CNKSR1: variants seen among roughly 807,000 people sequenced by gnomAD.
CNKSR1 encodes connector enhancer of kinase suppressor of Ras 1.
CNKSR1 carries 88 observed loss-of-function variants against 95.6 expected under a neutral mutation model. The observed-to-expected ratio is 0.92, with a 90% CI of 0.78 to 1.10. CNKSR1 has a LOEUF of 1.10. Among genes scored for constraint, CNKSR1 ranks in the 50% least tolerant of loss-of-function variants. CNKSR1 has a pLI of 0.00. For synonymous variants in CNKSR1, 355 were observed against 369.7 expected (o/e 0.96, Z 0.46); for missense variants, 836 against 912.0 (o/e 0.92, Z 1.07).
intron 14 of CNKSR1, chr1:26,186,818 G>T (rs1261389345): frequency 6.9e-6 from 2 of 290,026 alleles, no homozygotes; most frequent in Admixed American, 9.6e-5. Flanking sequence ...TCCCAGTCTG[G>T]TCTCAAACTC....
intron 3 of CNKSR1, chr1:26,181,213 G>T: frequency 2.8e-6 from 1 of 353,060 alleles, no homozygotes; most frequent in Non-Finnish European, 5.5e-6. Flanking sequence ...CCTGGGAGGT[G>T]GAAGTTCCAG....
Position 26,182,376 on chromosome 1 carries a change from G to A in CNKSR1, c.493G>A (p.Glu165Lys), listed in dbSNP as rs1197834945. Residue 165 changes from glutamate (E) to lysine (K), a missense_variant, in exon 5 of 21, where the codon GAG (glutamate) becomes AAG (lysine). Transcript: ENST00000361530. ...QVLHEDGPAA[E>K]KEGTVLRICS... ...CTACTTCCAGGATGGTCCAGCGGCT[G>A]AGAAGGAGGGCACAGTCCTGAGGAT... The A allele has an allele frequency of 6.8e-6, 11 of 1,613,986 alleles. No homozygotes were observed. In the African/African-American group the frequency reaches 1.5e-4, roughly 22 times the overall value.
chr1:26,183,861 T>A, intron 9 of CNKSR1, 31 bp downstream of exon 9: 1 of 571,376 alleles, frequency 1.8e-6, no homozygotes, highest in Non-Finnish European at 2.7e-6. Context: ...CCGACCTGCC[T>A]TCAGACCCCC....
At chr1:26,178,165 G>A (rs1487918601) in intron 1 of CNKSR1, among the ~76,000 whole-genome samples, 6 of 152,182 alleles carry the variant, frequency 3.9e-5, no homozygotes, top group Non-Finnish European at 8.8e-5. Context: ...ATAATGGGGA[G>A]GCGGTGTCAT....
Position 26,185,089 on chromosome 1 carries a change from T to C in CNKSR1, c.1211T>C (p.Leu404Pro). 2 of 1,606,164 alleles carry C rather than the reference T, an allele frequency of 1.2e-6. No homozygotes were observed. Among genetic ancestry groups the C allele is most frequent in the Non-Finnish European group, 1.7e-6 (2 of 1,178,136 alleles). Residue 404 changes from leucine (L) to proline (P), a missense_variant, in exon 14 of 21, where the codon CTG becomes CCG. By Grantham distance (98) the Leu-to-Pro change is moderately conservative. Transcript: ENST00000361530. ...LGRPDCDGWL[L>P]LRKAPGGFMG... is the part of the protein sequence containing the mutation. ...CGGCCGGACTGTGACGGCTGGCTCC[T>C]GTTGCGAAAGGCACCGGGCGGCTTC...
chr1:26,184,015 C>T (rs892390188), intron 9 of CNKSR1, 56 bp from the exon 10 acceptor site: 3 of 1,366,898 alleles, frequency 2.2e-6, no homozygotes, highest in Non-Finnish European at 3.1e-6. Flanking sequence ...CCCTGTTGCC[C>T]CCCAACCTGC....
rs151016436 is a variant in CNKSR1, at chr1:26,180,758, G to T, written c.254G>T (p.Gly85Val). 5.6e-6 allele frequency: 9 copies of T among 1,614,106 alleles called. No individual in the cohort carries two copies. In the African/African-American group the frequency reaches 1.2e-4, roughly 22 times the overall value. ...QTENLQSLTEGLLGATHDFQS... is the reference protein window; with the variant it reads ...QTENLQSLTEVLLGATHDFQS... Reference sequence around the variant, plus strand: ...GAGAACCTGCAAAGCCTGACAGAGGGACTTCTGGGGGCAACCCATGACTTC... The same window carrying T: ...GAGAACCTGCAAAGCCTGACAGAGGTACTTCTGGGGGCAACCCATGACTTC... Residue 85 changes from glycine to valine, a missense_variant, in exon 3 of 21, where the codon GGA becomes GTA. Gly to Val is a moderately radical substitution (Grantham distance 109). Coordinates refer to ENST00000361530, the MANE Select transcript of CNKSR1 (RefSeq NM_006314.3).
chr1:26,184,237 C>A lies in CNKSR1; in HGVS notation c.950C>A (p.Ala317Asp). Residue 317 changes from alanine to aspartate, a missense_variant, in exon 11 of 21, where the codon GCC (alanine) becomes GAC (aspartate). Physicochemically the swap from Ala to Asp is moderately radical, Grantham distance 126. Coordinates refer to ENST00000361530, the MANE Select transcript of CNKSR1 (RefSeq NM_006314.3). ...SPRAPSEDVF[A>D]FDLSSNPSPG... The stretch of plus-strand genomic sequence containing the variant: ...AGGGCCCCATCTGAAGACGTCTTTG[C>A]CTTTGACCTGTCTTCAAACCCCAGT... 6.2e-7 allele frequency: 1 copy of A among 1,613,540 alleles called. No homozygotes were observed. The highest frequency in any genetic ancestry group is 8.5e-7 in the Non-Finnish European group (1 of 1,179,906).
chr1:26,183,947 C>CA (rs1557622082), intron 9 of CNKSR1, 117 bp downstream of exon 9: 1 of 509,338 alleles, frequency 2.0e-6, no homozygotes, highest in Non-Finnish European at 3.6e-6. Flanking sequence ...TCCCCTGCTG[C>CA]GCCCCCCTAG....
chr1:26,181,746 C>T (rs2088650687), intron 3 of CNKSR1, 111 bp from the exon 4 acceptor site: 3 of 1,017,556 alleles, frequency 2.9e-6, no homozygotes, highest in East Asian at 4.9e-5. Context: ...AAACCAAAAC[C>T]CATCAGAGCA....
chr1:26,188,384 C>T (rs1241074993), intron 17 of CNKSR1, 58 bp from the exon 18 acceptor site: 27 of 1,608,598 alleles, frequency 1.7e-5, no homozygotes, highest in Non-Finnish European at 2.3e-5. Context: ...GCTAGGAACT[C>T]AAATGCCCTA....
intron 16 of CNKSR1, among the ~76,000 whole-genome samples, chr1:26,187,710 C>T (rs2088780676): frequency 6.6e-6 from 1 of 151,124 alleles, no homozygotes; most frequent in Non-Finnish European, 1.5e-5. Context: ...GCAATCTCCG[C>T]CTCCTGGGCT....
chr1:26,184,476 G>A lies in CNKSR1; in HGVS notation c.1076G>A (p.Gly359Glu). Residue 359 changes from glycine to glutamate, a missense_variant, in exon 12 of 21, where the codon GGG (glycine) becomes GAG (glutamate). Transcript: ENST00000361530. Reference sequence around the variant, plus strand: ...GCCATACTCCCAGCAGGGGTAGCAGGGACTCCAGGGCTCCCTGAATCCCCT... The same window carrying A: ...GCCATACTCCCAGCAGGGGTAGCAGAGACTCCAGGGCTCCCTGAATCCCCT... ...PPAILPAGVAGTPGLPESPDK... is the reference protein window; with the variant it reads ...PPAILPAGVAETPGLPESPDK... The A allele has an allele frequency of 6.2e-7, 1 of 1,612,986 alleles. No homozygotes were observed. Among genetic ancestry groups the A allele is most frequent in the Non-Finnish European group, 8.5e-7 (1 of 1,179,600 alleles).
chr1:26,184,512 G>T lies in CNKSR1; in HGVS notation c.1107+5G>T. On this transcript the variant is annotated splice_donor_5th_base_variant and intron_variant, in intron 12 of 20. Coordinates refer to ENST00000361530, the MANE Select transcript of CNKSR1 (RefSeq NM_006314.3). ...CTCCCTGAATCCCCTGACAAGGTAAGCTCAGGGGCTTAGCAAGGGGGTGGG... is the reference window on the plus strand; with the variant it reads ...CTCCCTGAATCCCCTGACAAGGTAATCTCAGGGGCTTAGCAAGGGGGTGGG... 6.2e-7 allele frequency: 1 copy of T among 1,609,924 alleles called. No individual in the cohort carries two copies. Among genetic ancestry groups the T allele is most frequent in the Non-Finnish European group, 8.5e-7 (1 of 1,178,080 alleles).
chr1:26,188,739 G>A, intron 19 of CNKSR1, 33 bp from the exon 20 acceptor site: 1 of 1,611,338 alleles, frequency 6.2e-7, no homozygotes, highest in Non-Finnish European at 8.5e-7. Context: ...GGCTGGGGTG[G>A]GCACATCCTC....
At chr1:26,182,236 G>C in intron 4 of CNKSR1, 125 bp from the exon 5 acceptor site, 1 of 1,005,568 alleles carries the variant, frequency 9.9e-7, no homozygotes, top group Non-Finnish European at 1.5e-6. Context: ...TGTGGTTCTG[G>C]GCAGGGGGCC....
At chr1:26,186,631 T>C (rs562320295) in intron 14 of CNKSR1, among the ~76,000 whole-genome samples, 4 of 152,254 alleles carry the variant, frequency 2.6e-5, no homozygotes, top group South Asian at 2.1e-4. Flanking sequence ...CCTGCCACCA[T>C]GCCTGGCTAA....
chr1:26,177,610 C>T lies in CNKSR1; in HGVS notation c.52+11C>T. ...CAACTTGGCTGAGAGGTGGGTGGGG[C>T]TGGGGTAGAGTTGGGCTTGAAGGGG... On this transcript the variant is annotated intron_variant, in intron 1 of 20. Coordinates refer to ENST00000361530, the MANE Select transcript of CNKSR1 (RefSeq NM_006314.3). 6.2e-7 allele frequency: 1 copy of T among 1,613,764 alleles called. No homozygotes were observed. The highest frequency in any genetic ancestry group is 8.5e-7 in the Non-Finnish European group (1 of 1,179,862).
At chr1:26,181,687 T>C (rs1265740641) in intron 3 of CNKSR1, 170 bp from the exon 4 acceptor site, 10 of 671,210 alleles carry the variant, frequency 1.5e-5, no homozygotes, top group African/African-American at 5.3e-5. Flanking sequence ...ACATGACAAA[T>C]AAGTCCTGTG....
Sources: gnomAD v4.1 joint callset for allele counts (sites outside exome capture counted in the v4.1 genomes callset) on GRCh38, gnomAD v4.1.1 for gene constraint, MANE v1.5 for transcripts, NCBI Gene and HGNC (gene_info 2026-07-23, HGNC 2026-07-21) for gene names.